The following PRR5 variants were observed in gnomAD, a reference collection of about 807,000 sequenced individuals.
The protein encoded by PRR5 is proline-rich protein 5.
Under a neutral mutation model 30.6 loss-of-function variants are expected in PRR5, and 25 were observed. The ratio of observed to expected loss-of-function variants is 0.82; its 90% CI spans 0.60 to 1.14. PRR5 has a LOEUF of 1.14. Among genes scored for constraint, PRR5 ranks in the 50% most tolerant of loss-of-function variants. The pLI is 0.00. For synonymous variants in PRR5, 286 were observed against 247.1 expected (o/e 1.16, Z -1.48); for missense variants, 600 against 547.1 (o/e 1.10, Z -0.96).
rs566946331 is a variant in PRR5, at chr22:44,729,498, G to A, written c.323-2232G>A. The stretch of plus-strand genomic sequence containing the variant: ...GTACGGCGCGCACACACCCGGCCCC[G>A]TCCTGCCGGCAGCAAACGCCCAGTG... On this transcript the variant is annotated intron_variant, in intron 4 of 7. Transcript: ENST00000336985. The A allele has an allele frequency of 1.9e-5, 19 of 985,574 alleles. No homozygotes were observed. The South Asian group carries it at 2.8e-4, about 15-fold the overall frequency. The allele number at this position is 985,574 out of a possible 1,614,324, so 61.1% of individuals were successfully genotyped here.
chr22:44,705,328 T>C lies in PRR5; in HGVS notation c.134+2720T>C, dbSNP rs186539517. On this transcript the variant is annotated intron_variant, in intron 1 of 7. Coordinates refer to ENST00000336985, the MANE Select transcript of PRR5 (RefSeq NM_181333.4). ...TCTCCCTCTCCTTTCTCTCTCTCTA[T>C]TTTTTTTCCTTTCTTGAGACGGAGT... Among the ~76,000 whole-genome samples the C allele has an allele frequency of 3.7e-3, 558 of 152,086 alleles. 1 individual carries two copies. The highest frequency in any genetic ancestry group is 0.012 in the African/African-American group (512 of 41,478).
chr22:44,698,284 T>C (rs1483337832), upstream of PRR5, among the ~76,000 whole-genome samples: 1 of 150,854 alleles, frequency 6.6e-6, no homozygotes, highest in Non-Finnish European at 1.5e-5. Flanking sequence ...CAGGGGCCAC[T>C]CTGGTGGCTT....
intron 7 of PRR5, among the ~76,000 whole-genome samples, chr22:44,736,321 GC>G (rs1392001522): frequency 1.3e-5 from 2 of 152,204 alleles, no homozygotes; most frequent in Non-Finnish European, 2.9e-5. Flanking sequence ...CCACAACCTG[GC>G]CCCATGGCTC....
rs940269702 is a variant in PRR5 at position 44,735,243 on chromosome 22, C to A, written c.691+81C>A. 6.9e-6 allele frequency: 10 copies of A among 1,445,910 alleles called. No homozygotes were observed. The African/African-American group carries it at 1.1e-4, about 16-fold the overall frequency. 89.6% of individuals were successfully genotyped at this position (1,445,910 alleles called of 1,614,324 possible). Reference sequence around the variant, plus strand: ...TTGTGAACAAATGGGCAAGCCGAGGCCCCACGACAGAACCAGGATCTGACT... The same window carrying A: ...TTGTGAACAAATGGGCAAGCCGAGGACCCACGACAGAACCAGGATCTGACT... On this transcript the variant is annotated intron_variant, in intron 7 of 7. Transcript: ENST00000336985.
intron 1 of PRR5, among the ~76,000 whole-genome samples, chr22:44,694,625 GTT>G (rs768885983): frequency 3.3e-5 from 5 of 152,130 alleles, no homozygotes; most frequent in Non-Finnish European, 5.9e-5. Flanking sequence ...TCCTGCCTGA[GTT>G]TGAATCCTGG....
upstream of PRR5, chr22:44,702,159 G>C (rs1306283526): frequency 3.1e-5 from 9 of 288,112 alleles, no homozygotes; most frequent in East Asian, 1.7e-4. Flanking sequence ...CCCGCCCCCC[G>C]GGGCGCCGAG....
chr22:44,733,185 G>A (rs1383818045), intron 6 of PRR5, among the ~76,000 whole-genome samples: 6 of 152,250 alleles, frequency 3.9e-5, no homozygotes, highest in Non-Finnish European at 8.8e-5. Flanking sequence ...GCCCCAGAAA[G>A]GAGTGGGGCC....
intron 5 of PRR5, 29 bp from the exon 6 acceptor site, chr22:44,732,222 C>T (rs754695095): frequency 9.3e-6 from 15 of 1,607,074 alleles, no homozygotes; most frequent in Middle Eastern, 2.2e-4. Flanking sequence ...TGACCACAGC[C>T]GGTGGGGTGG....
intron 1 of PRR5, among the ~76,000 whole-genome samples, chr22:44,688,282 G>A (rs1924936064): frequency 6.6e-6 from 1 of 152,050 alleles, no homozygotes. Flanking sequence ...TACTGGGGAG[G>A]CTGAGGCAGG....
chr22:44,730,352 G>A (rs963491929), intron 4 of PRR5: 1 of 985,018 alleles, frequency 1.0e-6, no homozygotes, highest in Non-Finnish European at 1.2e-6. Flanking sequence ...GCTTCCAGGG[G>A]ACAGCAGAGG....
chr22:44,714,723 A>G, intron 2 of PRR5, 52 bp downstream of exon 2: 1 of 1,605,994 alleles, frequency 6.2e-7, no homozygotes, highest in Non-Finnish European at 8.5e-7. Context: ...AGGGAGGGCT[A>G]GGCCCAGAGT....
intron 4 of PRR5, chr22:44,729,715 G>C: frequency 3.0e-6 from 3 of 985,500 alleles, no homozygotes; most frequent in Non-Finnish European, 3.6e-6. Context: ...CCGCGAGGCT[G>C]CCCTTCCTGG....
In PRR5 at chr22:44,709,622, C is replaced by T. The variant is rs79225772; in HGVS notation, c.135-4969C>T. On this transcript the variant is annotated intron_variant, in intron 1 of 7. Coordinates refer to ENST00000336985, the MANE Select transcript of PRR5 (RefSeq NM_181333.4). ...TAATCCCAGCACTTTGGAAGGCCAG[C>T]GCAGGCGGATCACCAGGTCAGGAGT... is the stretch of plus-strand genomic sequence containing the variant. Among the ~76,000 whole-genome samples, 191 of 152,222 alleles carry T rather than the reference C, an allele frequency of 1.3e-3. 1 individual carries two copies. Among genetic ancestry groups the T allele is most frequent in the South Asian group, 0.012 (59 of 4,816 alleles).
chr22:44,727,571 C>T (rs1317162418), intron 4 of PRR5, among the ~76,000 whole-genome samples: 1 of 152,180 alleles, frequency 6.6e-6, no homozygotes, highest in Non-Finnish European at 1.5e-5. Flanking sequence ...AAGTGAGGCA[C>T]GGTGTCCTGC....
At chr22:44,722,428 G>A (rs1454580460) in intron 2 of PRR5, among the ~76,000 whole-genome samples, 1 of 152,222 alleles carries the variant, frequency 6.6e-6, no homozygotes, top group African/African-American at 2.4e-5. Context: ...TACTGCCCGA[G>A]CCCCAGGCTC....
chr22:44,731,004 AGTAG>A, intron 4 of PRR5: 1 of 397,518 alleles, frequency 2.5e-6, no homozygotes, highest in South Asian at 2.1e-5. Flanking sequence ...GCCAGCACAC[AGTAG>A]GTGTTCTGTG....
intron 1 of PRR5, among the ~76,000 whole-genome samples, chr22:44,710,136 A>T (rs1312950092): frequency 6.6e-6 from 1 of 152,076 alleles, no homozygotes; most frequent in Non-Finnish European, 1.5e-5. Context: ...GTCCTCCCCC[A>T]TGGCCTGTTC....
At chr22:44,670,409 G>A (rs1388553703) in intron 1 of PRR5, among the ~76,000 whole-genome samples, 1 of 152,202 alleles carries the variant, frequency 6.6e-6, no homozygotes, top group Non-Finnish European at 1.5e-5. Context: ...TGGCTGTGTG[G>A]CCCTGGACAA....
intron 2 of PRR5, among the ~76,000 whole-genome samples, chr22:44,723,009 A>G (rs1930173246): frequency 6.7e-6 from 1 of 149,856 alleles, no homozygotes; most frequent in South Asian, 2.1e-4. Context: ...TTTTTGAGAC[A>G]GAGACTCGCT....
Sources: allele counts gnomAD v4.1 joint callset (sites outside exome capture counted in the v4.1 genomes callset), GRCh38; gene constraint gnomAD v4.1.1; transcripts MANE v1.5; gene names NCBI Gene and HGNC (gene_info 2026-07-23, HGNC 2026-07-21).